Variants in GRID2 observed in about 807,000 individuals in gnomAD.
The protein encoded by GRID2 is glutamate ionotropic receptor delta type subunit 2, also known as glutamate receptor ionotropic, delta-2.
Under a neutral mutation model 114.8 loss-of-function variants are expected in GRID2, and 33 were observed. The ratio of observed to expected loss-of-function variants is 0.29; its 90% CI spans 0.22 to 0.38. GRID2 has a LOEUF of 0.38. Among genes scored for constraint, GRID2 ranks in the 10% least tolerant of loss-of-function variants. GRID2 has a pLI of 1.00. For synonymous variants in GRID2, 505 were observed against 449.9 expected (o/e 1.12, Z -1.55); for missense variants, 1,184 against 1,257.7 (o/e 0.94, Z 0.89).
chr4:92,669,827 T>C (rs1732969074), intron 2 of GRID2, among the ~76,000 whole-genome samples: 2 of 152,148 alleles, frequency 1.3e-5, no homozygotes, highest in Admixed American at 6.6e-5. Flanking sequence ...CAAAATCTTA[T>C]CGTAAGCCAA....
chr4:93,717,423 G>T (rs1309641874), intron 14 of GRID2, among the ~76,000 whole-genome samples: 3 of 151,118 alleles, frequency 2.0e-5, no homozygotes, highest in Non-Finnish European at 4.4e-5. Context: ...TTTTTTTAGA[G>T]TAACTGACTA....
chr4:93,808,728 G>A (rs909837025), exon 2 of GRID2: 1 of 152,188 alleles, frequency 6.6e-6, no homozygotes, highest in Non-Finnish European at 1.5e-5. Flanking sequence ...TTGATGGACA[G>A]TTGTCCACAG....
At chr4:93,292,893 G>GT (rs1457041120) in intron 8 of GRID2, among the ~76,000 whole-genome samples, 1 of 152,150 alleles carries the variant, frequency 6.6e-6, no homozygotes, top group East Asian at 1.9e-4. Context: ...GTAAGCCCCA[G>GT]TAAAAACAGA....
intron 3 of GRID2, among the ~76,000 whole-genome samples, chr4:93,094,629 T>C (rs1396515684): frequency 6.6e-6 from 1 of 152,010 alleles, no homozygotes; most frequent in Non-Finnish European, 1.5e-5. Context: ...TGAATTAGTA[T>C]CTGGAGAGTG....
chr4:93,087,342 G>A (rs1730421592), intron 3 of GRID2, among the ~76,000 whole-genome samples: 1 of 151,926 alleles, frequency 6.6e-6, no homozygotes, highest in Non-Finnish European at 1.5e-5. Flanking sequence ...TTTGATTAAG[G>A]CATTTTCTCA....
At chr4:93,029,876 T>G (rs1724231837) in intron 2 of GRID2, among the ~76,000 whole-genome samples, 1 of 152,180 alleles carries the variant, frequency 6.6e-6, no homozygotes, top group South Asian at 2.1e-4. Flanking sequence ...GAGAGTGTGA[T>G]AAAAATAAAC....
intron 1 of GRID2, among the ~76,000 whole-genome samples, chr4:92,512,985 C>T (rs1450507): frequency 0.96 from 146,379 of 151,920 alleles, 70,566 homozygotes; most frequent in East Asian, 1. Flanking sequence ...GTGAATATAT[C>T]ATAAAACATA....
chr4:93,357,093 G>A (rs1761410293), intron 8 of GRID2, among the ~76,000 whole-genome samples: 1 of 151,306 alleles, frequency 6.6e-6, no homozygotes, highest in Admixed American at 6.6e-5. Flanking sequence ...TGATATTTAA[G>A]TCTGAAGGTT....
intron 8 of GRID2, among the ~76,000 whole-genome samples, chr4:93,246,840 A>G (rs1175490198): frequency 6.6e-6 from 1 of 152,186 alleles, no homozygotes; most frequent in Admixed American, 6.5e-5. Flanking sequence ...TGATCCCAGC[A>G]GTCTCTTGAT....
At position 92,845,620 on chromosome 4, in the gene GRID2, C is replaced by T. The variant is rs914863545; in HGVS notation, c.245-239375C>T. Among the ~76,000 whole-genome samples, 3 of 152,058 alleles carry T rather than the reference C, an allele frequency of 2.0e-5. No homozygotes were observed. In the East Asian group the frequency reaches 5.8e-4, roughly 29 times the overall value. The stretch of plus-strand genomic sequence containing the variant: ...TCTCAATCTCCTTTACCTCCTTTTA[C>T]ACTCCCTACGAGTCCAATGGATATC... On this transcript the variant is annotated intron_variant, in intron 2 of 15. Transcript: ENST00000282020.
At chr4:93,365,199 G>A (rs1762225506) in intron 8 of GRID2, among the ~76,000 whole-genome samples, 1 of 152,082 alleles carries the variant, frequency 6.6e-6, no homozygotes, top group African/African-American at 2.4e-5. Flanking sequence ...GTGATATTCT[G>A]ATTTGTTTAG....
chr4:92,832,759 C>A (rs369016131), intron 2 of GRID2, among the ~76,000 whole-genome samples: 1 of 151,916 alleles, frequency 6.6e-6, no homozygotes, highest in South Asian at 2.1e-4. Context: ...TGCACTCCAG[C>A]CTGGACAACA....
chr4:93,044,018 G>A (rs1041522292), intron 2 of GRID2, among the ~76,000 whole-genome samples: 8 of 151,904 alleles, frequency 5.3e-5, no homozygotes, highest in Non-Finnish European at 1.0e-4. Flanking sequence ...AATGAAGAAA[G>A]TGATAGTACA....
At chr4:92,645,511 T>C (rs998774870) in intron 2 of GRID2, among the ~76,000 whole-genome samples, 4 of 151,802 alleles carry the variant, frequency 2.6e-5, no homozygotes, top group Non-Finnish European at 4.4e-5. Context: ...ATATGTACTT[T>C]ACATATTGAG....
rs541445632 is a variant in GRID2, at chr4:93,801,605, G to A, written c.222-5110G>A. Among the ~76,000 whole-genome samples the A allele has an allele frequency of 2.0e-5, 3 of 152,182 alleles. No homozygotes were observed. The East Asian group carries it at 5.8e-4, about 29-fold the overall frequency. On this transcript the variant is annotated intron_variant, in intron 1 of 1. Coordinates refer to the GRID2 transcript ENST00000637838. ...AGACTTTCTATTAATAATGTAAATA[G>A]CGCCTTCTAACAGTAGTTTTACAAT...
intron 10 of GRID2, among the ~76,000 whole-genome samples, chr4:93,432,967 G>A (rs1769565204): frequency 6.6e-6 from 1 of 152,116 alleles, no homozygotes; most frequent in Non-Finnish European, 1.5e-5. Flanking sequence ...CTGTTGAGGA[G>A]GCTGAGGTGG....
chr4:92,933,440 A>T lies in GRID2; in HGVS notation c.245-151555A>T, dbSNP rs571548330. Among the ~76,000 whole-genome samples the T allele has an allele frequency of 1.4e-3, 209 of 151,638 alleles. 1 individual carries two copies. The highest frequency in any genetic ancestry group is 4.8e-3 in the African/African-American group (201 of 41,500). On this transcript the variant is annotated intron_variant, in intron 2 of 15. Coordinates refer to ENST00000282020, the MANE Select transcript of GRID2 (RefSeq NM_001510.4). Reference sequence around the variant, plus strand: ...TGCTTCACAAACAAAACAGAGAGAAATGTATTTGAATACTGAAGGCTACAC... The same window carrying T: ...TGCTTCACAAACAAAACAGAGAGAATTGTATTTGAATACTGAAGGCTACAC...
At chr4:92,449,563 TATA>T (rs1219097779) in intron 1 of GRID2, among the ~76,000 whole-genome samples, 4 of 150,776 alleles carry the variant, frequency 2.7e-5, no homozygotes, top group South Asian at 2.1e-4. Flanking sequence ...ACACTCTTCA[TATA>T]ATAATAACTC....
chr4:92,489,380 A>G (rs998905828), intron 1 of GRID2, among the ~76,000 whole-genome samples: 1 of 152,196 alleles, frequency 6.6e-6, no homozygotes, highest in Non-Finnish European at 1.5e-5. Flanking sequence ...TTAGACACAC[A>G]TCTCATTGAA....
Sources: gnomAD v4.1 joint callset for allele counts (sites outside exome capture counted in the v4.1 genomes callset) on GRCh38, gnomAD v4.1.1 for gene constraint, MANE v1.5 for transcripts, NCBI Gene and HGNC (gene_info 2026-07-23, HGNC 2026-07-21) for gene names.